The following CSMD1 variants were observed in gnomAD, a reference collection of about 807,000 sequenced individuals.
CSMD1 encodes CUB and Sushi multiple domains 1, also known as CUB and sushi domain-containing protein 1.
In CSMD1, 213 loss-of-function variants were observed where a neutral mutation model predicts 417.5. That is an observed-to-expected ratio of 0.51 (90% confidence interval 0.46 to 0.57). CSMD1 has a LOEUF of 0.57. Ranked by LOEUF, CSMD1 falls within the 20% of genes least tolerant of loss-of-function variation. CSMD1 has a pLI of 0.00. For synonymous variants in CSMD1, 2,862 were observed against 1,736.8 expected (o/e 1.65, Z -16.11); for missense variants, 6,923 against 4,529.7 (o/e 1.53, Z -15.17).
chr8:3,939,369 G>C (rs1217431758), intron 5 of CSMD1, among the ~76,000 whole-genome samples: 1 of 152,066 alleles, frequency 6.6e-6, no homozygotes, highest in African/African-American at 2.4e-5. Context: ...TATAAATGTT[G>C]GCATGGATAT....
intron 6 of CSMD1, among the ~76,000 whole-genome samples, chr8:3,749,934 A>G (rs1797249857): frequency 6.6e-6 from 1 of 152,172 alleles, no homozygotes; most frequent in Admixed American, 6.5e-5. Context: ...TGTTGGACGC[A>G]TGCCTGAAAT....
At chr8:4,497,172 C>G (rs1802019050) in intron 2 of CSMD1, among the ~76,000 whole-genome samples, 1 of 152,082 alleles carries the variant, frequency 6.6e-6, no homozygotes, top group Non-Finnish European at 1.5e-5. Context: ...GTAGAATATT[C>G]CAGAGCATGT....
chr8:3,783,813 C>A (rs1056274699), intron 5 of CSMD1, among the ~76,000 whole-genome samples: 3 of 152,170 alleles, frequency 2.0e-5, no homozygotes, highest in Non-Finnish European at 4.4e-5. Flanking sequence ...TATTGTAGGA[C>A]AGCATTTTCC....
At chr8:4,766,522 C>A (rs571654746) in intron 1 of CSMD1, among the ~76,000 whole-genome samples, 75 of 152,366 alleles carry the variant, frequency 4.9e-4, no homozygotes, top group African/African-American at 1.7e-3. Flanking sequence ...CTAAAATTCA[C>A]TGCATTGCAT....
chr8:3,979,260 TG>T (rs1813670597), intron 5 of CSMD1, among the ~76,000 whole-genome samples: 1 of 152,208 alleles, frequency 6.6e-6, no homozygotes, highest in Non-Finnish European at 1.5e-5. Context: ...CTTTTTGTTT[TG>T]GGAGCGGATT....
Position 4,539,356 on chromosome 8 carries a change from G to A in CSMD1, c.302+97986C>T, listed in dbSNP as rs370543322. On this transcript the variant is annotated intron_variant, in intron 2 of 69. Coordinates refer to ENST00000635120, the MANE Select transcript of CSMD1 (RefSeq NM_033225.6). ...TAGACTTCCCAATCTCTTTCACTAA[G>A]CCCATGGATCAGCAGGAATGTTTTT... 1.3e-4 allele frequency among the ~76,000 whole-genome samples: 20 copies of A among 152,214 alleles called. No individual in the cohort carries two copies. In the East Asian group the frequency reaches 2.7e-3, roughly 21 times the overall value.
intron 3 of CSMD1, among the ~76,000 whole-genome samples, chr8:4,303,862 G>T (rs1798112621): frequency 2.0e-5 from 3 of 151,802 alleles, no homozygotes; most frequent in South Asian, 4.2e-4. Context: ...TCACTATGTT[G>T]CCCAGGCTGG....
intron 16 of CSMD1, among the ~76,000 whole-genome samples, chr8:3,398,013 G>A (rs543702862): frequency 7.2e-5 from 11 of 152,128 alleles, no homozygotes; most frequent in South Asian, 2.1e-4. Context: ...CAGAAATATC[G>A]GGTATTTCCA....
chr8:3,031,164 TAACTC>T (rs1810315532), intron 50 of CSMD1, among the ~76,000 whole-genome samples: 1 of 152,012 alleles, frequency 6.6e-6, no homozygotes, highest in South Asian at 2.1e-4. Context: ...CATAAATTTA[TAACTC>T]AACTTGAATC....
intron 5 of CSMD1, among the ~76,000 whole-genome samples, chr8:3,969,137 C>T (rs1240868929): frequency 6.6e-6 from 1 of 152,104 alleles, no homozygotes; most frequent in Non-Finnish European, 1.5e-5. Context: ...TGTAATGTTA[C>T]TACTCGAGAG....
Position 3,946,282 on chromosome 8 carries a change from T to A in CSMD1, c.818+51621A>T, listed in dbSNP as rs377216689. Among the ~76,000 whole-genome samples the A allele has an allele frequency of 7.9e-5, 12 of 152,278 alleles. No individual in the cohort carries two copies. In the East Asian group the frequency reaches 9.6e-4, roughly 12 times the overall value. ...CATATTAGAGAACACAGTAAACTAG[T>A]CTCATCTCCTCAGTGGAAGTGTTAT... On this transcript the variant is annotated intron_variant, in intron 5 of 69. Coordinates refer to ENST00000635120, the MANE Select transcript of CSMD1 (RefSeq NM_033225.6).
intron 12 of CSMD1, among the ~76,000 whole-genome samples, chr8:3,432,651 G>C (rs951845081): frequency 6.6e-6 from 1 of 151,904 alleles, no homozygotes; most frequent in Non-Finnish European, 1.5e-5. Context: ...GAGTAGCTGG[G>C]ACTACAGGCG....
chr8:3,762,890 C>G (rs907490843), intron 5 of CSMD1, among the ~76,000 whole-genome samples: 1 of 152,194 alleles, frequency 6.6e-6, no homozygotes. Flanking sequence ...CTGATGAGAG[C>G]TGCTACTGAA....
At chr8:4,306,848 A>G (rs12546020) in intron 3 of CSMD1, among the ~76,000 whole-genome samples, 114,602 of 151,742 alleles carry the variant, frequency 0.76, 43,407 homozygotes, top group East Asian at 0.85. Flanking sequence ...AAAAAATCTA[A>G]TAATTTTTCA....
chr8:4,369,043 G>A (rs1260149339), intron 3 of CSMD1, among the ~76,000 whole-genome samples: 2 of 152,002 alleles, frequency 1.3e-5, no homozygotes, highest in African/African-American at 4.8e-5. Flanking sequence ...ATGTTAGGTT[G>A]CTAATTTAAG....
chr8:3,727,449 G>T (rs190845042), intron 6 of CSMD1, among the ~76,000 whole-genome samples: 5 of 152,148 alleles, frequency 3.3e-5, no homozygotes, highest in Non-Finnish European at 7.3e-5. Flanking sequence ...TAACATGAGG[G>T]TGACCAATGT....
intron 1 of CSMD1, among the ~76,000 whole-genome samples, chr8:4,857,741 A>C (rs1298339088): frequency 6.6e-6 from 1 of 152,052 alleles, no homozygotes; most frequent in African/African-American, 2.4e-5. Context: ...GAATAGACCA[A>C]TAACAGGATC....
At chr8:4,044,615 G>A (rs956179812) in intron 3 of CSMD1, among the ~76,000 whole-genome samples, 87 of 148,772 alleles carry the variant, frequency 5.8e-4, no homozygotes, top group South Asian at 4.3e-4. Flanking sequence ...TTCTTCTCTC[G>A]TGCAATAAGA....
At chr8:4,257,424 TTC>T (rs34215430) in intron 3 of CSMD1, among the ~76,000 whole-genome samples, 13,130 of 152,200 alleles carry the variant, frequency 0.086, 1,396 homozygotes, top group African/African-American at 0.26. Context: ...ATTTGCACTT[TTC>T]TCTCTCTTTA....
Sources: allele counts gnomAD v4.1 joint callset (sites outside exome capture counted in the v4.1 genomes callset), GRCh38; gene constraint gnomAD v4.1.1; transcripts MANE v1.5; gene names NCBI Gene and HGNC (gene_info 2026-07-23, HGNC 2026-07-21).